The following ATP10B variants were observed in gnomAD, a reference collection of about 807,000 sequenced individuals.
ATP10B encodes the protein ATPase phospholipid transporting 10B (putative), also known as phospholipid-transporting ATPase VB.
ATP10B carries 122 observed loss-of-function variants against 141.2 expected under a neutral mutation model. The observed-to-expected ratio is 0.86, with a 90% CI of 0.75 to 1.00. The LOEUF (loss-of-function observed/expected upper bound fraction) is 1.00, where lower values mean the gene tolerates loss of function less well. Ranked by LOEUF, ATP10B falls within the 50% of genes least tolerant of loss-of-function variation. The pLI is 0.00. For missense variants in ATP10B, 1,876 were observed against 1,825.3 expected, an observed-to-expected ratio of 1.03 and a Z score of -0.51; for synonymous variants, 685 against 692.0, an observed-to-expected ratio of 0.99 and a Z score of 0.16.
the ATP10B span, among the ~76,000 whole-genome samples, chr5:160,865,085 TA>T: frequency 1.3e-5 from 2 of 152,004 alleles, no homozygotes. Flanking sequence ...CTAGAATTCA[TA>T]TGGAACCAAA....
the ATP10B span, among the ~76,000 whole-genome samples, chr5:160,923,508 T>C: frequency 6.6e-6 from 1 of 152,188 alleles, no homozygotes; most frequent in Non-Finnish European, 1.5e-5. Flanking sequence ...GAAAGTGTTA[T>C]CATAAATGTG....
In ATP10B at chr5:160,598,714, G is replaced by GGT. The variant is rs1295671562; in HGVS notation, c.3564+54_3564+55dup. The GGT allele has an allele frequency of 2.6e-6, 4 of 1,540,858 alleles. No individual in the cohort carries two copies. The East Asian group carries it at 9.0e-5, about 35-fold the overall frequency. On this transcript the variant is annotated intron_variant, in intron 22 of 25. Transcript: ENST00000327245. ...CTTTCTCTGATGCCTCCAGAGGGGAGGTAGAGGTCAGTAAGAAGCTGAAGT... is the reference window on the plus strand; with the variant it reads ...CTTTCTCTGATGCCTCCAGAGGGGAGGTGTAGAGGTCAGTAAGAAGCTGAAGT...
At chr5:160,924,819 G>A in the ATP10B span, among the ~76,000 whole-genome samples, 1 of 152,194 alleles carries the variant, frequency 6.6e-6, no homozygotes, top group Non-Finnish European at 1.5e-5. Context: ...AGAGCTGAAA[G>A]AGGCCCTCAA....
At chr5:160,719,491 C>A (rs1765868775) in intron 2 of ATP10B, among the ~76,000 whole-genome samples, 1 of 152,224 alleles carries the variant, frequency 6.6e-6, no homozygotes, top group Non-Finnish European at 1.5e-5. Context: ...TGTTTGTATG[C>A]CTTGCCTTGC....
In ATP10B at chr5:160,670,490, T is replaced by C; in HGVS notation, c.648A>G (p.Arg216=). 1 of 1,613,970 alleles carries C rather than the reference T, an allele frequency of 6.2e-7. No homozygotes were observed. The highest frequency in any genetic ancestry group is 8.5e-7 in the Non-Finnish European group (1 of 1,179,968). Reference sequence around the variant, plus strand: ...GCTGTGAGAAGCCCTTCACGACACATCTTTGCTTGAGGTTTGTCTCTCCAT... The same window carrying C: ...GCTGTGAGAAGCCCTTCACGACACACCTTTGCTTGAGGTTTGTCTCTCCAT... ...SLDGETNLKQ[R]CVVKGFSQQE... The change falls in exon 7 of 26, where the codon AGA becomes AGG. Residue 216 remains arginine (R), a synonymous_variant. Transcript: ENST00000327245.
intron 16 of ATP10B, among the ~76,000 whole-genome samples, chr5:160,617,553 T>C (rs908731804): frequency 2.6e-5 from 4 of 152,202 alleles, no homozygotes; most frequent in African/African-American, 9.7e-5. Flanking sequence ...AGGAAAATAA[T>C]GCATACCTAA....
chr5:160,686,737 C>T (rs1253827936), intron 5 of ATP10B, among the ~76,000 whole-genome samples: 1 of 152,106 alleles, frequency 6.6e-6, no homozygotes, highest in Non-Finnish European at 1.5e-5. Context: ...TTTCCTCTTG[C>T]ACAAAATGGG....
rs1561731493 is a variant in ATP10B at position 160,670,590 on chromosome 5, A to G, written c.548T>C (p.Ile183Thr). The G allele has an allele frequency of 2.5e-6, 4 of 1,613,876 alleles. No homozygotes were observed. The highest frequency in any genetic ancestry group is 3.4e-6 in the Non-Finnish European group (4 of 1,179,862). Residue 183 changes from isoleucine (I) to threonine (T), a missense_variant, in exon 7 of 26, where the codon ATT becomes ACT. Ile to Thr is a moderately conservative substitution (Grantham distance 89, BLOSUM62 -1). Coordinates refer to ENST00000327245, the MANE Select transcript of ATP10B (RefSeq NM_025153.3). ...GDFIQMKCNE[I>T]VPADILLLFS... ...AAGGAGGAGTATGTCTGCTGGGACA[A>G]TCTCATTGCATTTCATTTGGATGAA... is the stretch of plus-strand genomic sequence containing the variant.
At chr5:160,849,565 C>T (rs771657465) in intron 1 of ATP10B, among the ~76,000 whole-genome samples, 7 of 151,114 alleles carry the variant, frequency 4.6e-5, no homozygotes, top group Non-Finnish European at 7.4e-5. Context: ...TTAGTAGTAA[C>T]TAGCAATTAT....
chr5:160,602,204 G>A (rs946021166), intron 21 of ATP10B, among the ~76,000 whole-genome samples: 4 of 152,186 alleles, frequency 2.6e-5, no homozygotes, highest in African/African-American at 7.2e-5. Flanking sequence ...GCAAATATGA[G>A]AAAGGTACTA....
chr5:160,750,265 A>T (rs1308595716), intron 2 of ATP10B, among the ~76,000 whole-genome samples: 1 of 152,168 alleles, frequency 6.6e-6, no homozygotes, highest in Non-Finnish European at 1.5e-5. Context: ...ACATGCCCAT[A>T]CACAAGCTCA....
chr5:160,888,274 G>A, the ATP10B span, among the ~76,000 whole-genome samples: 14 of 152,100 alleles, frequency 9.2e-5, no homozygotes, highest in African/African-American at 3.4e-4. Flanking sequence ...TGGGAAAAGA[G>A]TATCAGCACC....
At chr5:160,905,151 A>C in the ATP10B span, among the ~76,000 whole-genome samples, 1 of 152,228 alleles carries the variant, frequency 6.6e-6, no homozygotes, top group Non-Finnish European at 1.5e-5. Context: ...CAGATAAGTA[A>C]GCTGAGGCTC....
intron 24 of ATP10B, among the ~76,000 whole-genome samples, chr5:160,580,333 G>A (rs1486961814): frequency 5.3e-5 from 8 of 152,116 alleles, no homozygotes; most frequent in Non-Finnish European, 1.0e-4. Context: ...TTTGAGATAC[G>A]TTCCATCAAT....
At chr5:160,751,080 C>T (rs78748703) in intron 2 of ATP10B, among the ~76,000 whole-genome samples, 10,741 of 152,326 alleles carry the variant, frequency 0.071, 370 homozygotes, top group Middle Eastern at 0.099. Flanking sequence ...CAGTCATAGC[C>T]TGTTTACCTG....
At chr5:160,611,369 T>C (rs879865372) in intron 18 of ATP10B, among the ~76,000 whole-genome samples, 2 of 152,126 alleles carry the variant, frequency 1.3e-5, no homozygotes, top group Non-Finnish European at 2.9e-5. Context: ...TAGAATTACC[T>C]GGAGTGAAAG....
the ATP10B span, among the ~76,000 whole-genome samples, chr5:160,873,936 A>C: frequency 6.6e-6 from 1 of 152,232 alleles, no homozygotes; most frequent in East Asian, 1.9e-4. Context: ...ATCAAACTGC[A>C]AGGCGGCAGC....
chr5:160,741,772 T>A (rs573716183), intron 2 of ATP10B, among the ~76,000 whole-genome samples: 1 of 152,332 alleles, frequency 6.6e-6, no homozygotes, highest in East Asian at 1.9e-4. Context: ...GATAACTTAA[T>A]AATTAGGGAC....
chr5:160,708,740 C>T (rs1765169762), intron 3 of ATP10B, among the ~76,000 whole-genome samples: 2 of 152,148 alleles, frequency 1.3e-5, no homozygotes, highest in South Asian at 4.1e-4. Flanking sequence ...CGCCCTTCTG[C>T]TATGTTCCTA....
Sources: allele counts gnomAD v4.1 joint callset (sites outside exome capture counted in the v4.1 genomes callset), GRCh38; gene constraint gnomAD v4.1.1; transcripts MANE v1.5; gene names NCBI Gene and HGNC (gene_info 2026-07-23, HGNC 2026-07-21).